The following NRXN3 variants were observed in gnomAD, a reference collection of about 807,000 sequenced individuals.
The protein encoded by NRXN3 is neurexin 3, also known as neurexin III.
Under a neutral mutation model 137.6 loss-of-function variants are expected in NRXN3, and 32 were observed. The observed-to-expected ratio is 0.23, with a 90% CI of 0.18 to 0.31. NRXN3 has a LOEUF of 0.31. Ranked by LOEUF, NRXN3 falls within the 10% of genes least tolerant of loss-of-function variation. The pLI, the probability that NRXN3 is intolerant of heterozygous loss-of-function variation, is 1.00. For synonymous variants in NRXN3, 798 were observed against 784.5 expected (o/e 1.02, Z -0.29); for missense variants, 1,574 against 2,062.5 (o/e 0.76, Z 4.59).
chr14:78,342,632 T>C (rs1392227041), intron 4 of NRXN3, among the ~76,000 whole-genome samples: 2 of 152,206 alleles, frequency 1.3e-5, no homozygotes, highest in Non-Finnish European at 1.5e-5. Flanking sequence ...TTGTGTTGAC[T>C]TGTCCAGTCA....
chr14:78,500,302 G>A (rs1323394256), intron 4 of NRXN3, among the ~76,000 whole-genome samples: 1 of 152,082 alleles, frequency 6.6e-6, no homozygotes, highest in Non-Finnish European at 1.5e-5. Flanking sequence ...ATGAATGAAT[G>A]CTACAGTTTC....
At chr14:79,554,188 C>T (rs2097404370) in intron 16 of NRXN3, among the ~76,000 whole-genome samples, 1 of 152,016 alleles carries the variant, frequency 6.6e-6, no homozygotes, top group African/African-American at 2.4e-5. Context: ...GGTCAGTTAG[C>T]CAAAGGACAC....
intron 8 of NRXN3, among the ~76,000 whole-genome samples, chr14:78,733,181 C>T (rs1237559275): frequency 6.6e-6 from 1 of 152,074 alleles, no homozygotes; most frequent in Non-Finnish European, 1.5e-5. Flanking sequence ...AGACACCAAG[C>T]TCATGGAAAG....
chr14:79,318,647 C>G (rs916482449), intron 15 of NRXN3, among the ~76,000 whole-genome samples: 1 of 152,066 alleles, frequency 6.6e-6, no homozygotes, highest in Non-Finnish European at 1.5e-5. Flanking sequence ...TGGGAGTGTT[C>G]CTTTACGTGA....
chr14:79,490,168 T>C (rs567999414), intron 16 of NRXN3, among the ~76,000 whole-genome samples: 1 of 151,674 alleles, frequency 6.6e-6, no homozygotes, highest in South Asian at 2.1e-4. Context: ...CAATAACAAA[T>C]GCTGGTGATA....
chr14:78,276,790 T>C (rs1339193079), intron 2 of NRXN3, among the ~76,000 whole-genome samples: 1 of 152,206 alleles, frequency 6.6e-6, no homozygotes, highest in African/African-American at 2.4e-5. Context: ...CCAAGGAGCC[T>C]ATTTGTATGA....
chr14:78,486,821 G>T (rs76265667), intron 4 of NRXN3, among the ~76,000 whole-genome samples: 2,652 of 152,234 alleles, frequency 0.017, 64 homozygotes, highest in African/African-American at 0.052. Flanking sequence ...TTGGGCACAG[G>T]TAGACTTATA....
intron 4 of NRXN3, among the ~76,000 whole-genome samples, chr14:78,569,806 C>A (rs373055638): frequency 6.6e-6 from 1 of 152,030 alleles, no homozygotes; most frequent in Non-Finnish European, 1.5e-5. Flanking sequence ...GTGATCTACC[C>A]GCCTCGGCCT....
At position 78,243,342 on chromosome 14, in the gene NRXN3, C is replaced by T; in HGVS notation, c.249C>T (p.Gly83=). ...CDFLCLSLVD[G]RVQLRFSMDC... ...TCCTATGCCTCTCCCTGGTGGATGG[C>T]CGCGTTCAGCTCCGCTTCAGCATGG... Residue 83 remains glycine (G), a synonymous_variant, in exon 2 of 21, where the codon GGC becomes GGT. Transcript: ENST00000335750. This position sits in a 1 kb window ranked among gnomAD's most constrained non-coding sequence, Gnocchi z 4.2. 1.0e-5 allele frequency: 16 copies of T among 1,559,550 alleles called. No individual in the cohort carries two copies. The highest frequency in any genetic ancestry group is 1.4e-5 in the Non-Finnish European group (16 of 1,160,014).
intron 1 of NRXN3, among the ~76,000 whole-genome samples, chr14:78,195,069 C>A (rs548064602): frequency 7.3e-5 from 11 of 151,542 alleles, no homozygotes; most frequent in African/African-American, 2.4e-4. Flanking sequence ...CCCGACCCCC[C>A]ACCCTTTTTT....
chr14:79,766,668 C>T (rs1382806469), intron 19 of NRXN3, among the ~76,000 whole-genome samples: 2 of 152,186 alleles, frequency 1.3e-5, no homozygotes, highest in African/African-American at 2.4e-5. Flanking sequence ...AAAGCTGAGC[C>T]TGTCTAAAAC....
At chr14:78,312,585 AT>A (rs61609923) in intron 4 of NRXN3, among the ~76,000 whole-genome samples, 43 of 150,244 alleles carry the variant, frequency 2.9e-4, no homozygotes, top group African/African-American at 8.3e-4. Context: ...AAAAAGAAAC[AT>A]TTTTTTTTTC....
chr14:79,858,990 A>C (rs1301425911), intron 20 of NRXN3, among the ~76,000 whole-genome samples: 4 of 151,674 alleles, frequency 2.6e-5, no homozygotes, highest in Non-Finnish European at 5.9e-5. Context: ...AAAAAAGAAA[A>C]AAAAAAAAAA....
At chr14:79,849,307 T>C (rs2099386915) in intron 20 of NRXN3, among the ~76,000 whole-genome samples, 1 of 152,126 alleles carries the variant, frequency 6.6e-6, no homozygotes, top group Non-Finnish European at 1.5e-5. Flanking sequence ...ATCAATACAA[T>C]GAAAAGGTAG....
At chr14:79,421,012 G>A (rs1406806805) in intron 15 of NRXN3, among the ~76,000 whole-genome samples, 1 of 152,282 alleles carries the variant, frequency 6.6e-6, no homozygotes, top group Non-Finnish European at 1.5e-5. Context: ...CAGATATTTA[G>A]AGACTCCAGT....
intron 15 of NRXN3, among the ~76,000 whole-genome samples, chr14:79,382,636 A>G (rs1462578995): frequency 1.3e-5 from 2 of 152,164 alleles, no homozygotes; most frequent in African/African-American, 4.8e-5. Flanking sequence ...AAGGATATAT[A>G]AGATATAGAT....
At chr14:79,376,313 A>G (rs984493465) in intron 15 of NRXN3, among the ~76,000 whole-genome samples, 3 of 141,036 alleles carry the variant, frequency 2.1e-5, no homozygotes, top group African/African-American at 7.9e-5. Flanking sequence ...ATTGTGTGTC[A>G]CTTCCTTGAC....
chr14:79,677,019 T>TA (rs2098644297), intron 17 of NRXN3, among the ~76,000 whole-genome samples: 1 of 152,080 alleles, frequency 6.6e-6, no homozygotes. Context: ...TGACTGCATA[T>TA]ACACAACAAA....
intron 3 of NRXN3, among the ~76,000 whole-genome samples, chr14:78,280,478 G>A (rs950788299): frequency 1.4e-4 from 22 of 152,152 alleles, no homozygotes; most frequent in Non-Finnish European, 1.5e-4. Flanking sequence ...TCAAGGAAGC[G>A]AGGGAGTAAG....
Sources: allele counts gnomAD v4.1 joint callset (sites outside exome capture counted in the v4.1 genomes callset), GRCh38; gene constraint gnomAD v4.1.1; non-coding constraint Gnocchi (gnomAD v3.1); transcripts MANE v1.5; gene names NCBI Gene and HGNC (gene_info 2026-07-23, HGNC 2026-07-21).